Variants in CACNG3 observed in about 807,000 individuals in gnomAD.
The protein encoded by CACNG3 is calcium voltage-gated channel auxiliary subunit gamma 3, also known as voltage-dependent calcium channel gamma-3 subunit.
CACNG3 carries 3 observed loss-of-function variants against 28.5 expected under a neutral mutation model. That is an observed-to-expected ratio of 0.11 (90% CI 0.05 to 0.27). The LOEUF (loss-of-function observed/expected upper bound fraction) is 0.27, where lower values mean the gene tolerates loss of function less well. Among genes scored for constraint, CACNG3 ranks in the 10% least tolerant of loss-of-function variants. The probability of loss-of-function intolerance (pLI) is 1.00; values close to 1 mark genes in which losing one functional copy is unlikely to be tolerated. For synonymous variants in CACNG3, 174 were observed against 162.2 expected (o/e 1.07, Z -0.55); for missense variants, 236 against 414.4 (o/e 0.57, Z 3.74).
intron 1 of CACNG3, among the ~76,000 whole-genome samples, chr16:24,307,078 G>A (rs945600583): frequency 1.3e-5 from 2 of 152,096 alleles, no homozygotes; most frequent in African/African-American, 4.8e-5. Context: ...GGGTATAGAG[G>A]TTCATCTAGC....
At position 24,256,812 on chromosome 16, in the gene CACNG3, G is replaced by A; in HGVS notation, c.58G>A (p.Ala20Thr). 1 of 1,613,870 alleles carries A rather than the reference G, an allele frequency of 6.2e-7. No homozygotes were observed. The highest frequency in any genetic ancestry group is 8.5e-7 in the Non-Finnish European group (1 of 1,179,764). ...GATCACCACTGTAGGAGCCTTTGCCGCTTTTAGTTTAATGACCATTGCAGT... is the reference window on the plus strand; with the variant it reads ...GATCACCACTGTAGGAGCCTTTGCCACTTTTAGTTTAATGACCATTGCAGT... ...MLITTVGAFA[A>T]FSLMTIAVGT... Residue 20 changes from alanine to threonine, a missense_variant, in exon 1 of 4, where the codon GCT becomes ACT. Ala to Thr is a moderately conservative substitution (Grantham distance 58). Around this residue, in one of 2 missense-constraint regions of CACNG3, gnomAD observed 120 missense variants for 263.4 expected, o/e 0.46. Transcript: ENST00000005284. The surrounding 1 kb of genome is among the most constrained non-coding windows in gnomAD (Gnocchi z 4.6).
chr16:24,262,361 G>A (rs1045241257), intron 1 of CACNG3, among the ~76,000 whole-genome samples: 2 of 152,192 alleles, frequency 1.3e-5, no homozygotes, highest in African/African-American at 4.8e-5. Flanking sequence ...TGCGTTTGAG[G>A]GTTGAGTCAG....
At chr16:24,341,384 A>C (rs1395742614) in intron 1 of CACNG3, among the ~76,000 whole-genome samples, 1 of 152,112 alleles carries the variant, frequency 6.6e-6, no homozygotes, top group Non-Finnish European at 1.5e-5. Context: ...AAATCTCACC[A>C]TGGCGCCAAT....
chr16:24,302,686 G>A (rs1472632134), intron 1 of CACNG3, among the ~76,000 whole-genome samples: 1 of 151,462 alleles, frequency 6.6e-6, no homozygotes, highest in Non-Finnish European at 1.5e-5. Flanking sequence ...TTGAGACAGA[G>A]TCATGCTCTG....
intron 1 of CACNG3, among the ~76,000 whole-genome samples, chr16:24,322,913 T>A (rs187033862): frequency 6.6e-6 from 1 of 152,224 alleles, no homozygotes; most frequent in East Asian, 1.9e-4. Flanking sequence ...TCCACTCACA[T>A]ATATTTTTCG....
chr16:24,290,515 C>T (rs907200426), intron 1 of CACNG3, among the ~76,000 whole-genome samples: 1 of 152,216 alleles, frequency 6.6e-6, no homozygotes, highest in Non-Finnish European at 1.5e-5. Flanking sequence ...CAAGCAGGCT[C>T]CAAGATGTGT....
chr16:24,347,154 C>A (rs1359224267), intron 2 of CACNG3, among the ~76,000 whole-genome samples: 1 of 152,040 alleles, frequency 6.6e-6, no homozygotes, highest in Non-Finnish European at 1.5e-5. Context: ...CCCATCTCTA[C>A]AAAAAATTAA....
At chr16:24,265,334 A>C (rs1024453535) in intron 1 of CACNG3, among the ~76,000 whole-genome samples, 2 of 135,534 alleles carry the variant, frequency 1.5e-5, no homozygotes, top group Non-Finnish European at 3.0e-5. Flanking sequence ...AAAAGAAAGA[A>C]GGAAAGAAAG....
At chr16:24,260,369 A>G (rs1200820089) in intron 1 of CACNG3, among the ~76,000 whole-genome samples, 1 of 152,246 alleles carries the variant, frequency 6.6e-6, no homozygotes, top group African/African-American at 2.4e-5. Context: ...CTATGTGCTC[A>G]GGCTGTTCGA....
At chr16:24,290,426 C>A (rs561006576) in intron 1 of CACNG3, among the ~76,000 whole-genome samples, 2 of 152,276 alleles carry the variant, frequency 1.3e-5, no homozygotes, top group Admixed American at 6.5e-5. Flanking sequence ...GAAGCCTGTT[C>A]AATTCCATAT....
chr16:24,264,524 C>A (rs1387638330), intron 1 of CACNG3, among the ~76,000 whole-genome samples: 1 of 152,172 alleles, frequency 6.6e-6, no homozygotes, highest in Admixed American at 6.5e-5. Context: ...ACAGTCAGCA[C>A]GCAGATCCCT....
chr16:24,333,857 GGGAGA>G (rs981830001), intron 1 of CACNG3, among the ~76,000 whole-genome samples: 2 of 152,020 alleles, frequency 1.3e-5, no homozygotes, highest in Non-Finnish European at 2.9e-5. Flanking sequence ...AGAAAGGAAG[GGGAGA>G]GGAGAGGAGA....
At chr16:24,351,912 T>A (rs1225477570) in intron 2 of CACNG3, among the ~76,000 whole-genome samples, 2 of 146,086 alleles carry the variant, frequency 1.4e-5, no homozygotes, top group Admixed American at 6.9e-5. Flanking sequence ...TCCTCCCGGG[T>A]TCACGCCATT....
chr16:24,330,595 A>G (rs969032398), intron 1 of CACNG3, among the ~76,000 whole-genome samples: 3 of 152,200 alleles, frequency 2.0e-5, no homozygotes, highest in African/African-American at 7.2e-5. Context: ...GGCATTGTGT[A>G]GGTAGGTGCC....
intron 1 of CACNG3, among the ~76,000 whole-genome samples, chr16:24,316,264 C>T (rs1009469008): frequency 1.2e-5 from 1 of 81,150 alleles, no homozygotes; most frequent in African/African-American, 3.1e-5. Flanking sequence ...CCTTTCTCAC[C>T]TCCTCTTCCA....
chr16:24,287,974 T>C (rs1460373036), intron 1 of CACNG3, among the ~76,000 whole-genome samples: 1 of 151,764 alleles, frequency 6.6e-6, no homozygotes, highest in Non-Finnish European at 1.5e-5. Context: ...ATAAATAAAG[T>C]AAGTAAGTAA....
intron 1 of CACNG3, among the ~76,000 whole-genome samples, chr16:24,282,497 G>A (rs986014091): frequency 1.3e-5 from 2 of 151,366 alleles, no homozygotes; most frequent in African/African-American, 2.4e-5. Context: ...GGATGATCTC[G>A]ATCTGTTGAC....
chr16:24,261,755 C>T (rs146442373), intron 1 of CACNG3, among the ~76,000 whole-genome samples: 3 of 152,146 alleles, frequency 2.0e-5, no homozygotes, highest in African/African-American at 7.2e-5. Context: ...ATTTCTGCTA[C>T]AGATGGGCCA....
chr16:24,276,155 ATCTC>A, intron 1 of CACNG3, among the ~76,000 whole-genome samples: 1 of 152,358 alleles, frequency 6.6e-6, no homozygotes, highest in East Asian at 1.9e-4. Flanking sequence ...ATAAGAATCT[ATCTC>A]TCTTCTCTTG....
Sources: allele counts gnomAD v4.1 joint callset (sites outside exome capture counted in the v4.1 genomes callset), GRCh38; gene constraint gnomAD v4.1.1; regional missense constraint gnomAD v4.1.1; non-coding constraint Gnocchi (gnomAD v3.1); transcripts MANE v1.5; gene names NCBI Gene and HGNC (gene_info 2026-07-23, HGNC 2026-07-21).